The following CFAP74 variants were observed in gnomAD, a reference collection of about 807,000 sequenced individuals.
CFAP74 encodes the protein cilia and flagella associated protein 74.
A neutral mutation model predicts 188.9 loss-of-function variants in CFAP74; 124 were observed. The ratio of observed to expected loss-of-function variants is 0.66; its 90% CI spans 0.57 to 0.76. The LOEUF (loss-of-function observed/expected upper bound fraction) is 0.76, where lower values mean the gene tolerates loss of function less well. Ranked by LOEUF, CFAP74 falls within the 30% of genes least tolerant of loss-of-function variation. CFAP74 has a pLI of 0.00. For synonymous variants in CFAP74, 956 were observed against 916.7 expected, an observed-to-expected ratio of 1.04 and a Z score of -0.77; for missense variants, 2,198 against 2,165.2, an observed-to-expected ratio of 1.02 and a Z score of -0.30.
At chr1:2,000,828 A>G (rs185394138) in intron 1 of CFAP74, among the ~76,000 whole-genome samples, 6 of 152,174 alleles carry the variant, frequency 3.9e-5, no homozygotes, top group Admixed American at 1.3e-4. Flanking sequence ...AAATAAGGTC[A>G]TATTCTCAGG....
intron 6 of CFAP74, among the ~76,000 whole-genome samples, chr1:1,977,606 T>C (rs1318148739): frequency 6.6e-6 from 1 of 152,126 alleles, no homozygotes; most frequent in Non-Finnish European, 1.5e-5. Flanking sequence ...GGAAGGTGTG[T>C]GGGAATGAAT....
chr1:1,963,754 G>A lies in CFAP74; in HGVS notation c.1689C>T (p.His563=), dbSNP rs545722452. The change falls in exon 14 of 39, where the codon CAC becomes CAT. Residue 563 remains histidine, a synonymous_variant. Transcript: ENST00000682832. The part of the protein sequence containing the change: ...GVEEHLRDFI[H]VDFDPPGPLS... ...TGTCTGAGCCGTCCTCTTACTCAAC[G>A]TGGATGAAGTCCCGGAGGTGCTCCT... The A allele has an allele frequency of 2.8e-4, 457 of 1,608,902 alleles. 2 individuals are homozygous for A. In the South Asian group the frequency reaches 3.6e-3, roughly 13 times the overall value.
chr1:1,945,636 T>C (rs1411196986), intron 20 of CFAP74, among the ~76,000 whole-genome samples: 2 of 152,074 alleles, frequency 1.3e-5, no homozygotes, highest in African/African-American at 2.4e-5. Flanking sequence ...GAGACCAGCC[T>C]GGCCAACACA....
At chr1:1,940,029 G>A (rs1421665522) in intron 23 of CFAP74, among the ~76,000 whole-genome samples, 2 of 152,236 alleles carry the variant, frequency 1.3e-5, no homozygotes, top group Non-Finnish European at 2.9e-5. Context: ...ACACATGGGC[G>A]CATAGACGTG....
At chr1:1,953,166 T>C (rs1023750115) in intron 18 of CFAP74, 1 of 152,228 alleles carries the variant, frequency 6.6e-6, no homozygotes, top group African/African-American at 2.4e-5. Context: ...ACTACCTGGC[T>C]TCAAGGCTTT....
At chr1:1,989,092 C>A in intron 2 of CFAP74, 119 bp from the exon 3 acceptor site, 2 of 483,172 alleles carry the variant, frequency 4.1e-6, no homozygotes. Context: ...TGCTGCACTG[C>A]AGCCACACAA....
intron 6 of CFAP74, among the ~76,000 whole-genome samples, chr1:1,981,709 C>T (rs1656873127): frequency 7.3e-6 from 1 of 137,926 alleles, no homozygotes; most frequent in African/African-American, 2.9e-5. Flanking sequence ...GCACGCAGGA[C>T]ACCCAGCCGC....
chr1:1,999,042 G>T (rs936102252), intron 1 of CFAP74, among the ~76,000 whole-genome samples: 2 of 152,186 alleles, frequency 1.3e-5, no homozygotes, highest in African/African-American at 4.8e-5. Context: ...AAATGTGTGT[G>T]TGTGTCTACA....
At chr1:1,943,609 T>C (rs1653540044) in intron 21 of CFAP74, among the ~76,000 whole-genome samples, 1 of 152,236 alleles carries the variant, frequency 6.6e-6, no homozygotes, top group Non-Finnish European at 1.5e-5. Context: ...TGCTCTGATG[T>C]CTGGAGCCCT....
chr1:1,992,536 G>C (rs890032531), intron 1 of CFAP74, among the ~76,000 whole-genome samples: 6 of 151,682 alleles, frequency 4.0e-5, no homozygotes, highest in South Asian at 4.2e-4. Context: ...TGCAGTGGCG[G>C]GATCTTGGCT....
In CFAP74 at chr1:1,988,874, G is replaced by T; in HGVS notation, c.152+15C>A. On this transcript the variant is annotated intron_variant, in intron 3 of 38. Coordinates refer to ENST00000682832, the MANE Select transcript of CFAP74 (RefSeq NM_001304360.2). ...CCCCCCCACACCCACCTCCACCCCC[G>T]ATCCTCCGAGTTACCTGCTGTGTCC... is the stretch of plus-strand genomic sequence containing the variant. The T allele has an allele frequency of 2.3e-6, 2 of 868,906 alleles. No homozygotes were observed. Among genetic ancestry groups the T allele is most frequent in the South Asian group, 1.8e-5 (1 of 55,828 alleles). 53.8% of individuals were successfully genotyped at this position (868,906 alleles called of 1,614,324 possible).
At position 1,953,884 on chromosome 1, in the gene CFAP74, A is replaced by G. The variant is rs978116707; in HGVS notation, c.2176+1807T>C. 94 of 152,268 alleles carry G rather than the reference A, an allele frequency of 6.2e-4. 1 individual carries two copies. Among genetic ancestry groups the G allele is most frequent in the African/African-American group, 2.2e-3 (92 of 41,448 alleles). The allele number at this position is 152,268 out of a possible 1,614,324, so 9.4% of individuals were successfully genotyped here. ...CTGGACTGAAGAACTTTGATTTGAG[A>G]AAAGACGTCATAAAGGGAGAGGAAG... On this transcript the variant is annotated intron_variant, in intron 18 of 38. Transcript: ENST00000682832.
intron 6 of CFAP74, among the ~76,000 whole-genome samples, chr1:1,976,189 GT>G (rs2102086935): frequency 6.6e-6 from 1 of 152,292 alleles, no homozygotes; most frequent in East Asian, 1.9e-4. Context: ...TCTTCCTGCC[GT>G]CACCTCCAGG....
chr1:1,926,396 A>T, intron 31 of CFAP74, 49 bp from the exon 32 acceptor site: 1 of 1,550,012 alleles, frequency 6.5e-7, no homozygotes, highest in Non-Finnish European at 8.7e-7. Context: ...AGGCTCTACC[A>T]CGCCCTCCCC....
At position 1,925,920 on chromosome 1, in the gene CFAP74, T is replaced by C; in HGVS notation, c.3967A>G (p.Ile1323Val). 1 of 1,610,504 alleles carries C rather than the reference T, an allele frequency of 6.2e-7. No individual in the cohort carries two copies. The highest frequency in any genetic ancestry group is 8.5e-7 in the Non-Finnish European group (1 of 1,178,882). Residue 1323 changes from isoleucine (I) to valine (V), a missense_variant, in exon 33 of 39, where the codon ATC becomes GTC. Coordinates refer to ENST00000682832, the MANE Select transcript of CFAP74 (RefSeq NM_001304360.2). The part of the protein sequence containing the change: ...ESILAQETLD[I>V]ITKRGTLTLT... ...GTGAGCGTGCCTCTCTTGGTGATGA[T>C]GTCCAGTGTTTCTTGAGCCTAAAGA... is the stretch of plus-strand genomic sequence containing the variant.
chr1:1,978,646 C>T lies in CFAP74; in HGVS notation c.501-4448G>A, dbSNP rs116757508. Among the ~76,000 whole-genome samples the T allele has an allele frequency of 7.8e-3, 1,191 of 152,256 alleles. 11 individuals are homozygous for T. The highest frequency in any genetic ancestry group is 0.028 in the African/African-American group (1,146 of 41,552). ...AAAAGGCGAGGACATGGATTCTCCT[C>T]GGAGGCTTCCGTGGGGAACCAGCCC... On this transcript the variant is annotated intron_variant, in intron 6 of 38. Transcript: ENST00000682832.
rs1309173030 is a variant in CFAP74, at chr1:1,973,513, G to A, written c.675-466C>T. Among the ~76,000 whole-genome samples, 1 of 152,156 alleles carries A rather than the reference G, an allele frequency of 6.6e-6. No individual in the cohort carries two copies. The highest frequency in any genetic ancestry group is 2.4e-5 in the African/African-American group (1 of 41,430). ...GGCTCACGGCAGGTTGGGACAGCTG[G>A]CCTGATGGCCTGTGGAGCACTTGGG... On this transcript the variant is annotated intron_variant, in intron 7 of 38. Transcript: ENST00000682832. The surrounding 1 kb of genome is among the most constrained non-coding windows in gnomAD (Gnocchi z 6.2).
chr1:2,001,817 A>T (rs1056618997), intron 1 of CFAP74, among the ~76,000 whole-genome samples: 1 of 152,138 alleles, frequency 6.6e-6, no homozygotes, highest in Non-Finnish European at 1.5e-5. Context: ...GTGCAGTGGG[A>T]ATCTAATCAC....
chr1:1,946,936 A>C lies in CFAP74; in HGVS notation c.2241+54T>G. ...TTGGGGTGCAGCTGGGGCTGGGGGA[A>C]GGTGGGCGGTGTCTTGGATCGTGGC... On this transcript the variant is annotated intron_variant, in intron 19 of 38. Transcript: ENST00000682832. 3.0e-6 allele frequency: 4 copies of C among 1,355,752 alleles called. No homozygotes were observed. The African/African-American group carries it at 4.3e-5, about 15-fold the overall frequency. The allele number at this position is 1,355,752 out of a possible 1,614,324, so 84.0% of individuals were successfully genotyped here. A position where few individuals can be genotyped will look rare whatever the true frequency, so the allele number is the denominator to read the frequency against.
Sources: gnomAD v4.1 joint callset for allele counts (sites outside exome capture counted in the v4.1 genomes callset) on GRCh38, gnomAD v4.1.1 for gene constraint, Gnocchi (gnomAD v3.1) non-coding constraint, MANE v1.5 for transcripts, NCBI Gene and HGNC (gene_info 2026-07-23, HGNC 2026-07-21) for gene names.